Variants in KCNIP4 observed in about 807,000 individuals in gnomAD.
KCNIP4 encodes the protein potassium voltage-gated channel interacting protein 4, also known as Kv channel-interacting protein 4.
In KCNIP4, 12 loss-of-function variants were observed where a neutral mutation model predicts 34.0. That is an observed-to-expected ratio of 0.35 (90% CI 0.23 to 0.57). The LOEUF is 0.57. Among genes scored for constraint, KCNIP4 ranks in the 20% least tolerant of loss-of-function variants. The probability of loss-of-function intolerance (pLI) is 0.83; values close to 1 mark genes in which losing one functional copy is unlikely to be tolerated. For missense variants in KCNIP4, 238 were observed against 311.7 expected, an observed-to-expected ratio of 0.76 and a Z score of 1.78; for synonymous variants, 124 against 102.2, an observed-to-expected ratio of 1.21 and a Z score of -1.29.
rs114445528 is a variant in KCNIP4, at chr4:21,343,613, G to A, written c.62-460904C>T. Among the ~76,000 whole-genome samples, 520 of 152,120 alleles carry A rather than the reference G, an allele frequency of 3.4e-3. 6 individuals are homozygous for A. Among genetic ancestry groups the A allele is most frequent in the African/African-American group, 0.012 (485 of 41,504 alleles). ...TCTTTACCAGGATCCATGAGCCCAG[G>A]GCATTTCCCTAGAAGCAGTCTTTCT... On this transcript the variant is annotated intron_variant, in intron 1 of 8. Transcript: ENST00000382152.
chr4:21,801,623 T>TTA (rs1412270607), intron 1 of KCNIP4, among the ~76,000 whole-genome samples: 244 of 151,620 alleles, frequency 1.6e-3, no homozygotes, highest in Middle Eastern at 3.4e-3. Flanking sequence ...TATTATTATT[T>TTA]TTTGAGATGG....
At chr4:21,830,666 TCA>T (rs1338475044) in intron 1 of KCNIP4, among the ~76,000 whole-genome samples, 9 of 152,014 alleles carry the variant, frequency 5.9e-5, no homozygotes, top group Admixed American at 2.0e-4. Context: ...AGAGCAAGAC[TCA>T]GTCTCAAACA....
At chr4:21,567,208 C>T (rs1739961356) in intron 1 of KCNIP4, among the ~76,000 whole-genome samples, 1 of 151,816 alleles carries the variant, frequency 6.6e-6, no homozygotes, top group South Asian at 2.1e-4. Flanking sequence ...AGCAAGTACC[C>T]AATTTAATAA....
chr4:21,023,865 G>A (rs572598998), intron 1 of KCNIP4, among the ~76,000 whole-genome samples: 3 of 152,092 alleles, frequency 2.0e-5, no homozygotes, highest in East Asian at 3.9e-4. Flanking sequence ...CTGGGCAACC[G>A]AGTGAGACTC....
In KCNIP4 at chr4:21,849,755, T is replaced by C. The variant is rs1348121003; in HGVS notation, c.61+98816A>G. On this transcript the variant is annotated intron_variant, in intron 1 of 8. Transcript: ENST00000382152. Reference sequence around the variant, plus strand: ...TAAGGGAGTAGATGCTGCTCTTCAATAATCTTTATGCACAGCAAAAGAATT... The same window carrying C: ...TAAGGGAGTAGATGCTGCTCTTCAACAATCTTTATGCACAGCAAAAGAATT... The C allele has an allele frequency of 5.3e-5, 8 of 152,254 alleles. No individual in the cohort carries two copies. The East Asian group carries it at 1.4e-3, about 26-fold the overall frequency. 9.4% of individuals were successfully genotyped at this position (152,254 alleles called of 1,614,324 possible). A position where few individuals can be genotyped will look rare whatever the true frequency, so the allele number is the denominator to read the frequency against.
intron 1 of KCNIP4, among the ~76,000 whole-genome samples, chr4:21,087,115 C>T (rs954542962): frequency 5.5e-5 from 8 of 145,150 alleles, no homozygotes; most frequent in African/African-American, 2.1e-4. Context: ...GAGTAGCTGG[C>T]ATTACAGGCA....
intron 1 of KCNIP4, among the ~76,000 whole-genome samples, chr4:21,609,813 G>T (rs1032287808): frequency 1.3e-5 from 2 of 152,218 alleles, no homozygotes. Flanking sequence ...CTAAGACTGT[G>T]TTAATCTAAG....
intron 1 of KCNIP4, among the ~76,000 whole-genome samples, chr4:21,296,315 G>A (rs919171902): frequency 6.6e-6 from 1 of 151,780 alleles, no homozygotes; most frequent in African/African-American, 2.4e-5. Flanking sequence ...GGTTTTGAGT[G>A]ACAGCATCTT....
At chr4:21,342,677 C>T (rs1716875513) in intron 1 of KCNIP4, among the ~76,000 whole-genome samples, 3 of 152,030 alleles carry the variant, frequency 2.0e-5, no homozygotes, top group Admixed American at 1.3e-4. Context: ...GTATTCACCC[C>T]TTATTCTCTA....
At chr4:21,255,019 T>C (rs1249019178) in intron 1 of KCNIP4, among the ~76,000 whole-genome samples, 1 of 152,204 alleles carries the variant, frequency 6.6e-6, no homozygotes, top group Admixed American at 6.5e-5. Context: ...CTATTTGACT[T>C]CAGGTAAAGT....
At chr4:20,928,197 T>C (rs553449704) in intron 1 of KCNIP4, among the ~76,000 whole-genome samples, 1 of 152,052 alleles carries the variant, frequency 6.6e-6, no homozygotes, top group South Asian at 2.1e-4. Flanking sequence ...ATTGGGACTA[T>C]TCATTGATCA....
chr4:21,726,270 T>C (rs567945400), intron 1 of KCNIP4, among the ~76,000 whole-genome samples: 3 of 152,234 alleles, frequency 2.0e-5, no homozygotes, highest in South Asian at 4.1e-4. Flanking sequence ...GGGCAAGCAA[T>C]GAAGCAGTTG....
At chr4:21,914,831 A>C (rs900179544) in intron 1 of KCNIP4, among the ~76,000 whole-genome samples, 1 of 152,178 alleles carries the variant, frequency 6.6e-6, no homozygotes, top group Non-Finnish European at 1.5e-5. Flanking sequence ...CTCTGTTCCC[A>C]ACCCCTTGCA....
intron 1 of KCNIP4, among the ~76,000 whole-genome samples, chr4:21,442,306 G>T (rs1338090378): frequency 6.6e-6 from 1 of 152,140 alleles, no homozygotes; most frequent in East Asian, 1.9e-4. Flanking sequence ...CCAAGCATCA[G>T]TGCCAAAAGC....
chr4:21,906,452 C>T (rs1728006593), intron 1 of KCNIP4, among the ~76,000 whole-genome samples: 1 of 152,146 alleles, frequency 6.6e-6, no homozygotes, highest in African/African-American at 2.4e-5. Context: ...TTGGCAGCCA[C>T]CAGACTCTGG....
At position 21,272,866 on chromosome 4, in the gene KCNIP4, T is replaced by G. The variant is rs76746239; in HGVS notation, c.62-390157A>C. 3.7e-3 allele frequency among the ~76,000 whole-genome samples: 563 copies of G among 152,310 alleles called. 2 individuals are homozygous for G. Among genetic ancestry groups the G allele is most frequent in the African/African-American group, 0.012 (491 of 41,576 alleles). ...AGGTTCTCTGATTTTTCTTTTAGGG[T>G]CAATTGTCAATTATCTACAGCACAA... is the stretch of plus-strand genomic sequence containing the variant. On this transcript the variant is annotated intron_variant, in intron 1 of 8. Coordinates refer to ENST00000382152, the MANE Select transcript of KCNIP4 (RefSeq NM_025221.6).
At chr4:20,859,796 C>T (rs896498837) in intron 2 of KCNIP4, among the ~76,000 whole-genome samples, 3 of 152,150 alleles carry the variant, frequency 2.0e-5, no homozygotes, top group Admixed American at 6.6e-5. Context: ...TCTTGCCTTA[C>T]GAACAAATAT....
intron 2 of KCNIP4, among the ~76,000 whole-genome samples, chr4:20,868,157 C>A (rs1170828344): frequency 1.3e-5 from 2 of 151,920 alleles, no homozygotes; most frequent in Non-Finnish European, 2.9e-5. Flanking sequence ...CAAGCTAAAA[C>A]CAAATAACCC....
chr4:21,921,596 A>G (rs1314031859), intron 1 of KCNIP4, among the ~76,000 whole-genome samples: 1 of 152,112 alleles, frequency 6.6e-6, no homozygotes, highest in Non-Finnish European at 1.5e-5. Flanking sequence ...CATGTCAGTA[A>G]GCAAGGCCAC....
Sources: allele counts gnomAD v4.1 joint callset (sites outside exome capture counted in the v4.1 genomes callset), GRCh38; gene constraint gnomAD v4.1.1; transcripts MANE v1.5; gene names NCBI Gene and HGNC (gene_info 2026-07-23, HGNC 2026-07-21).